The following NELL1 variants were observed in gnomAD, a reference collection of about 807,000 sequenced individuals.
The protein encoded by NELL1 is neural EGFL like 1.
In NELL1, 76 loss-of-function variants were observed where a neutral mutation model predicts 107.4. That is an observed-to-expected ratio of 0.71 (90% confidence interval 0.59 to 0.86). NELL1 has a LOEUF of 0.86. Among genes scored for constraint, NELL1 ranks in the 40% least tolerant of loss-of-function variants. The probability of loss-of-function intolerance (pLI) is 0.00; values close to 1 mark genes in which losing one functional copy is unlikely to be tolerated. For missense variants in NELL1, 1,024 were observed against 1,005.5 expected (o/e 1.02, Z -0.25); for synonymous variants, 353 against 341.2 (o/e 1.03, Z -0.38).
intron 15 of NELL1, among the ~76,000 whole-genome samples, chr11:21,442,942 C>CTTTTTTTTTTTTTTTTTTTTTTTTTCTTT (rs66501874): frequency 1.7e-5 from 1 of 57,562 alleles, no homozygotes; most frequent in Non-Finnish European, 3.3e-5. Flanking sequence ...GCTATCTTTC[C>CTTTTTTTTTTTTTTTTTTTTTTTTTCTTT]TTTTTTTTTT....
chr11:21,356,713 G>A (rs1376132144), intron 14 of NELL1, among the ~76,000 whole-genome samples: 2 of 152,038 alleles, frequency 1.3e-5, no homozygotes, highest in African/African-American at 2.4e-5. Flanking sequence ...ACATGGATAC[G>A]ATCTTTAGTG....
At chr11:21,395,099 T>A (rs983218346) in intron 15 of NELL1, among the ~76,000 whole-genome samples, 1 of 151,412 alleles carries the variant, frequency 6.6e-6, no homozygotes, top group Non-Finnish European at 1.5e-5. Flanking sequence ...AAATTACCTA[T>A]GAAAAGTGTA....
chr11:21,341,166 C>T (rs959784562), intron 14 of NELL1, among the ~76,000 whole-genome samples: 12 of 152,104 alleles, frequency 7.9e-5, no homozygotes, highest in South Asian at 2.1e-4. Context: ...TTCTTGAAAA[C>T]GCCTACAGTG....
intron 12 of NELL1, among the ~76,000 whole-genome samples, chr11:20,964,760 G>A (rs1443837340): frequency 6.6e-6 from 1 of 152,184 alleles, no homozygotes; most frequent in Non-Finnish European, 1.5e-5. Context: ...GACGTGACAT[G>A]TAGTTTCAGA....
At chr11:21,229,895 C>G (rs1342522922) in intron 14 of NELL1, among the ~76,000 whole-genome samples, 1 of 152,154 alleles carries the variant, frequency 6.6e-6, no homozygotes, top group Non-Finnish European at 1.5e-5. Flanking sequence ...GAGGCCAGCG[C>G]CCTGGCTTCC....
At chr11:20,788,337 G>A (rs562938381) in intron 3 of NELL1, among the ~76,000 whole-genome samples, 1 of 152,260 alleles carries the variant, frequency 6.6e-6, no homozygotes, top group African/African-American at 2.4e-5. Context: ...TGAGGGTTTC[G>A]ATTTTTCCAC....
chr11:20,890,892 C>A (rs1181130580), intron 5 of NELL1, among the ~76,000 whole-genome samples: 1 of 151,956 alleles, frequency 6.6e-6, no homozygotes. Flanking sequence ...GACTGGAGTA[C>A]CAGAAGGAGA....
intron 5 of NELL1, among the ~76,000 whole-genome samples, chr11:20,915,717 A>ATATATATATTTTTT: frequency 1.7e-5 from 1 of 58,224 alleles, no homozygotes; most frequent in African/African-American, 8.8e-5. Flanking sequence ...ATATATATAT[A>ATATATATATTTTTT]TTTTTTTTTT....
intron 16 of NELL1, among the ~76,000 whole-genome samples, chr11:21,539,873 C>T (rs1856248670): frequency 6.6e-6 from 1 of 151,742 alleles, no homozygotes; most frequent in African/African-American, 2.4e-5. Flanking sequence ...ATTTAGGGCT[C>T]CCTTTGCCAG....
intron 14 of NELL1, among the ~76,000 whole-genome samples, chr11:21,308,325 A>G (rs905657240): frequency 1.4e-4 from 21 of 152,052 alleles, no homozygotes; most frequent in African/African-American, 4.8e-4. Flanking sequence ...CTAAGACATC[A>G]AGGAAGCAAG....
chr11:20,692,136 T>G (rs1179180568), intron 2 of NELL1, among the ~76,000 whole-genome samples: 1 of 152,008 alleles, frequency 6.6e-6, no homozygotes, highest in Non-Finnish European at 1.5e-5. Flanking sequence ...TGATATCCCC[T>G]TTATCATTTT....
At chr11:21,279,424 C>A (rs1365155839) in intron 14 of NELL1, among the ~76,000 whole-genome samples, 2 of 152,108 alleles carry the variant, frequency 1.3e-5, no homozygotes, top group Non-Finnish European at 2.9e-5. Context: ...TGACAAAAAG[C>A]AAATGAACAA....
At chr11:21,435,208 A>G (rs932106503) in intron 15 of NELL1, among the ~76,000 whole-genome samples, 3 of 151,970 alleles carry the variant, frequency 2.0e-5, no homozygotes, top group Non-Finnish European at 4.4e-5. Context: ...TTCTGGTCCT[A>G]TCTTATTCTT....
intron 4 of NELL1, among the ~76,000 whole-genome samples, chr11:20,849,989 C>T (rs983580696): frequency 2.6e-5 from 4 of 152,138 alleles, no homozygotes; most frequent in Admixed American, 2.0e-4. Flanking sequence ...GGTGAATGGA[C>T]TGGCATTTCC....
intron 10 of NELL1, among the ~76,000 whole-genome samples, chr11:20,940,956 T>G (rs1408377624): frequency 6.6e-6 from 1 of 151,988 alleles, no homozygotes; most frequent in Non-Finnish European, 1.5e-5. Context: ...CTGGACAACA[T>G]GGTGAAACTC....
At chr11:21,065,535 C>A (rs1438824362) in intron 12 of NELL1, among the ~76,000 whole-genome samples, 2 of 152,180 alleles carry the variant, frequency 1.3e-5, no homozygotes, top group East Asian at 3.9e-4. Flanking sequence ...TTTGTTTTTA[C>A]CACCCTTGAT....
chr11:21,496,256 T>G (rs572159972), intron 15 of NELL1, among the ~76,000 whole-genome samples: 1 of 151,978 alleles, frequency 6.6e-6, no homozygotes, highest in Non-Finnish European at 1.5e-5. Flanking sequence ...CATTCCCATA[T>G]AATTATTTTA....
At chr11:20,976,898 A>G (rs1851648228) in intron 12 of NELL1, among the ~76,000 whole-genome samples, 1 of 152,096 alleles carries the variant, frequency 6.6e-6, no homozygotes, top group Non-Finnish European at 1.5e-5. Context: ...CTTTAACGCA[A>G]ACTCCTACAA....
intron 14 of NELL1, among the ~76,000 whole-genome samples, chr11:21,288,978 G>C (rs575687030): frequency 6.6e-6 from 1 of 152,182 alleles, no homozygotes; most frequent in Non-Finnish European, 1.5e-5. Flanking sequence ...GAAGACCAAG[G>C]CTGTAGACCT....
Sources: allele counts gnomAD v4.1 joint callset (sites outside exome capture counted in the v4.1 genomes callset), GRCh38; gene constraint gnomAD v4.1.1; transcripts MANE v1.5; gene names NCBI Gene and HGNC (gene_info 2026-07-23, HGNC 2026-07-21).